The following DIAPH3 variants were observed in gnomAD, a reference collection of about 807,000 sequenced individuals.
DIAPH3 encodes the protein diaphanous related formin 3.
In DIAPH3, 117 loss-of-function variants were observed where a neutral mutation model predicts 144.3. That is an observed-to-expected ratio of 0.81 (90% confidence interval 0.70 to 0.95). The LOEUF is 0.95. DIAPH3 is among the 40% of genes least tolerant of loss of function. The probability of loss-of-function intolerance (pLI) is 0.00; values close to 1 mark genes in which losing one functional copy is unlikely to be tolerated. For synonymous variants in DIAPH3, 519 were observed against 488.9 expected, an observed-to-expected ratio of 1.06 and a Z score of -0.81; for missense variants, 1,421 against 1,412.7, an observed-to-expected ratio of 1.01 and a Z score of -0.09.
intron 21 of DIAPH3, 132 bp from the exon 22 acceptor site, chr13:59,861,668 A>G: frequency 9.9e-7 from 1 of 1,006,180 alleles, no homozygotes. Context: ...TCGTTTTTGA[A>G]AAACAAATAT....
chr13:60,021,260 G>A (rs1433334097), intron 5 of DIAPH3, among the ~76,000 whole-genome samples: 1 of 152,206 alleles, frequency 6.6e-6, no homozygotes, highest in African/African-American at 2.4e-5. Flanking sequence ...TATCCAGGTG[G>A]TTCCAATCTA....
intron 27 of DIAPH3, among the ~76,000 whole-genome samples, chr13:59,703,680 A>C (rs547394895): frequency 2.0e-5 from 3 of 152,144 alleles, no homozygotes; most frequent in Non-Finnish European, 2.9e-5. Context: ...AAATATATTC[A>C]TTTCAAAGTC....
At chr13:59,923,789 C>T (rs1328054512) in intron 18 of DIAPH3, among the ~76,000 whole-genome samples, 1 of 152,142 alleles carries the variant, frequency 6.6e-6, no homozygotes, top group Non-Finnish European at 1.5e-5. Context: ...CCATGGGGAT[C>T]TTGGCAGGCC....
At chr13:59,723,206 G>A (rs1374368087) in intron 27 of DIAPH3, among the ~76,000 whole-genome samples, 2 of 151,778 alleles carry the variant, frequency 1.3e-5, no homozygotes, top group African/African-American at 4.9e-5. Context: ...CTTGAGCCAA[G>A]GTGTCCAGAT....
chr13:60,023,073 T>A (rs1205317909), intron 5 of DIAPH3, among the ~76,000 whole-genome samples: 2 of 152,216 alleles, frequency 1.3e-5, no homozygotes, highest in Admixed American at 6.5e-5. Flanking sequence ...AAAAAATTAA[T>A]TGCTGTCTGC....
chr13:59,887,820 T>C (rs987186384), intron 20 of DIAPH3, among the ~76,000 whole-genome samples: 2 of 152,196 alleles, frequency 1.3e-5, no homozygotes, highest in South Asian at 4.1e-4. Context: ...TCATTATGAT[T>C]GAGAATTTGT....
chr13:59,954,493 A>G (rs976301985), intron 17 of DIAPH3, among the ~76,000 whole-genome samples: 7 of 152,200 alleles, frequency 4.6e-5, no homozygotes, highest in African/African-American at 1.4e-4. Context: ...CAACCGTCTT[A>G]ATAACGGATA....
At chr13:59,993,702 T>TTAAAAAAAAA (rs577489826) in intron 9 of DIAPH3, among the ~76,000 whole-genome samples, 1 of 73,896 alleles carries the variant, frequency 1.4e-5, no homozygotes, top group Non-Finnish European at 2.5e-5. Flanking sequence ...GAAACATACT[T>TTAAAAAAAAA]AAAAAAAAAA....
At chr13:59,787,952 G>A (rs1008405121) in intron 25 of DIAPH3, among the ~76,000 whole-genome samples, 2 of 152,166 alleles carry the variant, frequency 1.3e-5, no homozygotes, top group African/African-American at 4.8e-5. Flanking sequence ...CAGGCCCTCA[G>A]TGAACACTGA....
intron 3 of DIAPH3, among the ~76,000 whole-genome samples, chr13:60,106,156 T>C (rs1317035720): frequency 6.6e-6 from 1 of 152,088 alleles, no homozygotes; most frequent in African/African-American, 2.4e-5. Flanking sequence ...TTTTCTCCTC[T>C]GGAAAAACAG....
chr13:59,770,202 G>A (rs924511808), intron 27 of DIAPH3, among the ~76,000 whole-genome samples: 8 of 152,114 alleles, frequency 5.3e-5, no homozygotes, highest in African/African-American at 9.7e-5. Flanking sequence ...TGTGTTCACA[G>A]CTGGAACTTT....
intron 5 of DIAPH3, among the ~76,000 whole-genome samples, chr13:60,039,621 TA>T (rs1238768715): frequency 1.3e-5 from 2 of 152,078 alleles, no homozygotes; most frequent in South Asian, 2.1e-4. Flanking sequence ...ATTTTTTATT[TA>T]AATAAATCCT....
At position 59,781,096 on chromosome 13, in the gene DIAPH3, C is replaced by T. The variant is rs1002841842; in HGVS notation, c.3164-6273G>A. On this transcript the variant is annotated intron_variant, in intron 25 of 27. Coordinates refer to ENST00000400324, the MANE Select transcript of DIAPH3 (RefSeq NM_001042517.2). Reference sequence around the variant, plus strand: ...TTCCTTATTCCATTTTCTTCAGCCACGGTACAACCTGAAATTTTAAATAAC... The same window carrying T: ...TTCCTTATTCCATTTTCTTCAGCCATGGTACAACCTGAAATTTTAAATAAC... 4.6e-5 allele frequency among the ~76,000 whole-genome samples: 7 copies of T among 152,232 alleles called. No homozygotes were observed. The East Asian group carries it at 7.7e-4, about 17-fold the overall frequency.
At chr13:60,013,528 C>T (rs559526453) in intron 7 of DIAPH3, among the ~76,000 whole-genome samples, 1 of 152,306 alleles carries the variant, frequency 6.6e-6, no homozygotes, top group African/African-American at 2.4e-5. Context: ...AATATACTAA[C>T]TTTTCATCCT....
At position 60,027,227 on chromosome 13, in the gene DIAPH3, T is replaced by C. The variant is rs890266820; in HGVS notation, c.627-11082A>G. 1.2e-4 allele frequency among the ~76,000 whole-genome samples: 18 copies of C among 152,184 alleles called. 1 individual carries two copies. The highest frequency in any genetic ancestry group is 1.5e-5 in the Non-Finnish European group (1 of 68,022). On this transcript the variant is annotated intron_variant, in intron 5 of 27. Coordinates refer to ENST00000400324, the MANE Select transcript of DIAPH3 (RefSeq NM_001042517.2). ...GGGGCAAGACAAACATACACCTACA[T>C]GCCATTCAATGGCCCATCCACCCAA... is the stretch of plus-strand genomic sequence containing the variant.
chr13:60,107,072 A>AATAATAGTACAATT (rs2058440469), intron 3 of DIAPH3, among the ~76,000 whole-genome samples: 1 of 152,154 alleles, frequency 6.6e-6, no homozygotes, highest in African/African-American at 2.4e-5. Context: ...ATAGTGTGTG[A>AATAATAGTACAATT]GGTAGAAATT....
At chr13:59,882,485 C>T (rs898791059) in intron 20 of DIAPH3, among the ~76,000 whole-genome samples, 1 of 152,086 alleles carries the variant, frequency 6.6e-6, no homozygotes, top group African/African-American at 2.4e-5. Context: ...GTAAAAAGCC[C>T]GACCAATGTT....
At chr13:59,943,076 CTCTTA>C (rs1452692168) in intron 17 of DIAPH3, among the ~76,000 whole-genome samples, 1 of 152,134 alleles carries the variant, frequency 6.6e-6, no homozygotes, top group Non-Finnish European at 1.5e-5. Flanking sequence ...TAATCTCGTT[CTCTTA>C]TGAGAAAAGA....
At chr13:59,806,397 T>C (rs902881404) in intron 25 of DIAPH3, among the ~76,000 whole-genome samples, 1 of 152,022 alleles carries the variant, frequency 6.6e-6, no homozygotes, top group African/African-American at 2.4e-5. Context: ...GCACATATAG[T>C]ACAGCTTATA....
Sources: allele counts gnomAD v4.1 joint callset (sites outside exome capture counted in the v4.1 genomes callset), GRCh38; gene constraint gnomAD v4.1.1; transcripts MANE v1.5; gene names NCBI Gene and HGNC (gene_info 2026-07-23, HGNC 2026-07-21).